The following ERBB4 variants were observed in gnomAD, a reference collection of about 807,000 sequenced individuals.
The protein encoded by ERBB4 is erb-b2 receptor tyrosine kinase 4.
Under a neutral mutation model 158.0 loss-of-function variants are expected in ERBB4, and 42 were observed. The observed-to-expected ratio is 0.27, with a 90% confidence interval of 0.21 to 0.34. The LOEUF is 0.34. Ranked by LOEUF, ERBB4 falls within the 10% of genes least tolerant of loss-of-function variation. The pLI is 1.00. For synonymous variants in ERBB4, 583 were observed against 558.7 expected (o/e 1.04, Z -0.61); for missense variants, 1,333 against 1,624.1 (o/e 0.82, Z 3.08).
chr2:212,202,873 T>G (rs1489874110), intron 1 of ERBB4, among the ~76,000 whole-genome samples: 5 of 152,060 alleles, frequency 3.3e-5, no homozygotes, highest in Non-Finnish European at 7.4e-5. Context: ...ATTAGTTTTA[T>G]GTATATTAGT....
intron 1 of ERBB4, among the ~76,000 whole-genome samples, chr2:212,394,983 C>T (rs1020674166): frequency 2.0e-5 from 3 of 152,086 alleles, no homozygotes; most frequent in Non-Finnish European, 4.4e-5. Context: ...TAGTGATTAT[C>T]AATAAGCATA....
chr2:212,331,662 C>T (rs1234382191), intron 1 of ERBB4, among the ~76,000 whole-genome samples: 1 of 151,926 alleles, frequency 6.6e-6, no homozygotes, highest in Non-Finnish European at 1.5e-5. Context: ...TCAAATATTA[C>T]CAAACTCAAT....
chr2:211,646,143 C>T (rs2070774768), intron 16 of ERBB4, among the ~76,000 whole-genome samples: 1 of 151,250 alleles, frequency 6.6e-6, no homozygotes, highest in African/African-American at 2.4e-5. Context: ...GCTCCCTAAT[C>T]TGTAAAGAAA....
intron 1 of ERBB4, among the ~76,000 whole-genome samples, chr2:212,401,676 T>A (rs953879133): frequency 6.6e-6 from 1 of 152,150 alleles, no homozygotes; most frequent in Non-Finnish European, 1.5e-5. Flanking sequence ...TTAAACATGA[T>A]GATAAAATTA....
intron 1 of ERBB4, among the ~76,000 whole-genome samples, chr2:212,489,193 G>A (rs73067085): frequency 0.032 from 4,917 of 151,828 alleles, 276 homozygotes; most frequent in African/African-American, 0.11. Flanking sequence ...TATCCCACAC[G>A]TAGATCTGAC....
intron 9 of ERBB4, 131 bp downstream of exon 9, chr2:211,711,919 T>C: frequency 1.3e-6 from 1 of 751,940 alleles, no homozygotes. Context: ...GCCCCTGCTT[T>C]TGTTGGTGAG....
At chr2:211,698,666 G>T (rs2073117181) in intron 12 of ERBB4, among the ~76,000 whole-genome samples, 1 of 151,920 alleles carries the variant, frequency 6.6e-6, no homozygotes, top group Non-Finnish European at 1.5e-5. Flanking sequence ...GGGTTTAACA[G>T]TATCTGTATA....
At chr2:211,520,923 A>G (rs2066169375) in intron 20 of ERBB4, among the ~76,000 whole-genome samples, 2 of 152,126 alleles carry the variant, frequency 1.3e-5, no homozygotes, top group Non-Finnish European at 2.9e-5. Context: ...ATGCCCATAT[A>G]AGACAATGAA....
Position 211,846,052 on chromosome 2 carries a change from G to GTT in ERBB4, c.422-57895_422-57894dup, listed in dbSNP as rs5838288. 5.4e-3 allele frequency among the ~76,000 whole-genome samples: 789 copies of GTT among 145,692 alleles called. 7 individuals carry two copies. Among genetic ancestry groups the GTT allele is most frequent in the East Asian group, 0.022 (109 of 4,934 alleles). On this transcript the variant is annotated intron_variant, in intron 3 of 27. Coordinates refer to ENST00000342788, the MANE Select transcript of ERBB4 (RefSeq NM_005235.3). The stretch of plus-strand genomic sequence containing the variant: ...TTCAACTACAATACTGTTAATTGTT[G>GTT]TTTTTTTTTTTCATTTATAGTGAAT...
chr2:212,081,691 T>C (rs1332298620), intron 2 of ERBB4, among the ~76,000 whole-genome samples: 1 of 152,176 alleles, frequency 6.6e-6, no homozygotes, highest in Admixed American at 6.6e-5. Flanking sequence ...ATGTAGTATT[T>C]AGGGTAATGC....
chr2:211,692,253 C>A (rs537668514), intron 12 of ERBB4, among the ~76,000 whole-genome samples: 1 of 152,102 alleles, frequency 6.6e-6, no homozygotes, highest in African/African-American at 2.4e-5. Context: ...GAGGATTGAG[C>A]CCTAGTGATG....
At chr2:212,482,775 C>G (rs1041547646) in intron 1 of ERBB4, among the ~76,000 whole-genome samples, 1 of 152,108 alleles carries the variant, frequency 6.6e-6, no homozygotes, top group African/African-American at 2.4e-5. Context: ...GGTCACCATG[C>G]CCGGCAAATT....
chr2:211,790,477 C>T (rs998009637), intron 3 of ERBB4, among the ~76,000 whole-genome samples: 1 of 152,010 alleles, frequency 6.6e-6, no homozygotes, highest in African/African-American at 2.4e-5. Context: ...TTATATTATA[C>T]TGAATAATAG....
At chr2:211,655,777 CCTCT>C (rs1001895573) in intron 16 of ERBB4, among the ~76,000 whole-genome samples, 1 of 152,100 alleles carries the variant, frequency 6.6e-6, no homozygotes, top group Non-Finnish European at 1.5e-5. Context: ...GCACTCTCTC[CCTCT>C]CTCTAATTTT....
chr2:212,146,043 C>G (rs1213306424), intron 1 of ERBB4, among the ~76,000 whole-genome samples: 2 of 152,142 alleles, frequency 1.3e-5, no homozygotes, highest in African/African-American at 4.8e-5. Context: ...GGTTACTCCT[C>G]CCTTTCTCAT....
At chr2:212,327,137 G>A (rs1270765962) in intron 1 of ERBB4, among the ~76,000 whole-genome samples, 6 of 150,578 alleles carry the variant, frequency 4.0e-5, no homozygotes, top group South Asian at 2.1e-4. Flanking sequence ...GTTCATACGT[G>A]TGAAGTATAC....
At chr2:211,700,209 T>A (rs2073184229) in intron 12 of ERBB4, among the ~76,000 whole-genome samples, 1 of 152,166 alleles carries the variant, frequency 6.6e-6, no homozygotes, top group Non-Finnish European at 1.5e-5. Context: ...CCATGAATCA[T>A]CTACTTTGGG....
chr2:212,297,884 A>T (rs2086472057), intron 1 of ERBB4, among the ~76,000 whole-genome samples: 1 of 151,664 alleles, frequency 6.6e-6, no homozygotes, highest in Admixed American at 6.6e-5. Flanking sequence ...AAAACTGATA[A>T]ATGCAAATTC....
intron 1 of ERBB4, among the ~76,000 whole-genome samples, chr2:212,461,704 G>T (rs1016022090): frequency 1.3e-5 from 2 of 152,076 alleles, no homozygotes; most frequent in African/African-American, 4.8e-5. Flanking sequence ...TTGGGGAGGG[G>T]TCAAGGGCAG....
Sources: allele counts gnomAD v4.1 joint callset (sites outside exome capture counted in the v4.1 genomes callset), GRCh38; gene constraint gnomAD v4.1.1; transcripts MANE v1.5; gene names NCBI Gene and HGNC (gene_info 2026-07-23, HGNC 2026-07-21).